The following CDH4 variants were observed in gnomAD, a reference collection of about 807,000 sequenced individuals.
The protein encoded by CDH4 is cadherin 4, also known as cadherin-4.
A neutral mutation model predicts 86.0 loss-of-function variants in CDH4; 33 were observed. The observed-to-expected ratio is 0.38, with a 90% CI of 0.29 to 0.51. The LOEUF (loss-of-function observed/expected upper bound fraction) is 0.51, where lower values mean the gene tolerates loss of function less well. Ranked by LOEUF, CDH4 falls within the 20% of genes least tolerant of loss-of-function variation. CDH4 has a pLI of 0.86. For synonymous variants in CDH4, 555 were observed against 549.4 expected, an observed-to-expected ratio of 1.01 and a Z score of -0.14; for missense variants, 1,114 against 1,307.4, an observed-to-expected ratio of 0.85 and a Z score of 2.28.
At chr20:61,832,575 C>A (rs1053583800) in intron 4 of CDH4, among the ~76,000 whole-genome samples, 3 of 152,154 alleles carry the variant, frequency 2.0e-5, no homozygotes, top group Admixed American at 2.0e-4. Flanking sequence ...GAAGCAAGGA[C>A]CTTCTTCACA....
chr20:61,557,624 C>T (rs1369818644), intron 2 of CDH4, among the ~76,000 whole-genome samples: 3 of 152,292 alleles, frequency 2.0e-5, no homozygotes, highest in South Asian at 2.1e-4. Flanking sequence ...GTGAAAATGC[C>T]GCTCTTTTAC....
intron 2 of CDH4, among the ~76,000 whole-genome samples, chr20:61,671,611 A>AGATG (rs1433928230): frequency 6.6e-6 from 1 of 151,044 alleles, no homozygotes; most frequent in Non-Finnish European, 1.5e-5. Context: ...ATGGATGGGT[A>AGATG]GATGGATGGA....
At chr20:61,600,643 C>G (rs1424650591) in intron 2 of CDH4, among the ~76,000 whole-genome samples, 1 of 152,178 alleles carries the variant, frequency 6.6e-6, no homozygotes, top group African/African-American at 2.4e-5. Context: ...CCAGGCCCGC[C>G]CCCAGGGGTA....
In CDH4 at chr20:61,888,822, G is replaced by A. The variant is rs539124168; in HGVS notation, c.1051-6088G>A. Among the ~76,000 whole-genome samples, 239 of 152,306 alleles carry A rather than the reference G, an allele frequency of 1.6e-3. 3 individuals carry two copies. The highest frequency in any genetic ancestry group is 5.5e-3 in the African/African-American group (229 of 41,560). On this transcript the variant is annotated intron_variant, in intron 7 of 15. Coordinates refer to ENST00000614565, the MANE Select transcript of CDH4 (RefSeq NM_001794.5). ...ATCAGGGACCCTGACCGGTCCCCTC[G>A]CTCTGCCCTGGTCAGCTGTGTAGAA...
chr20:61,283,364 G>A (rs1159499371), intron 2 of CDH4, among the ~76,000 whole-genome samples: 3 of 130,490 alleles, frequency 2.3e-5, no homozygotes, highest in Non-Finnish European at 3.4e-5. Context: ...GTGCTGTGGC[G>A]TGTGTGATGT....
intron 2 of CDH4, among the ~76,000 whole-genome samples, chr20:61,596,648 G>T (rs1031572448): frequency 2.0e-5 from 3 of 152,196 alleles, no homozygotes; most frequent in African/African-American, 7.2e-5. Context: ...ACCAGCTCTG[G>T]TCTGGGTTTG....
chr20:61,547,860 G>C (rs149898861), intron 2 of CDH4, among the ~76,000 whole-genome samples: 1 of 152,258 alleles, frequency 6.6e-6, no homozygotes, highest in African/African-American at 2.4e-5. Flanking sequence ...GCGGCACCGC[G>C]TGGGGCTGGC....
chr20:61,847,099 G>A (rs936794515), intron 5 of CDH4, among the ~76,000 whole-genome samples: 2 of 152,198 alleles, frequency 1.3e-5, no homozygotes, highest in African/African-American at 2.4e-5. Flanking sequence ...GAAACCTGGA[G>A]CTCAGAGCTG....
At chr20:61,761,957 G>A (rs534083614) in intron 3 of CDH4, among the ~76,000 whole-genome samples, 158 of 152,324 alleles carry the variant, frequency 1.0e-3, no homozygotes, top group African/African-American at 3.6e-3. Context: ...AGGCAGCTCC[G>A]CACAGCAGGA....
chr20:61,303,974 T>C (rs2427061), intron 2 of CDH4, among the ~76,000 whole-genome samples: 138,832 of 152,126 alleles, frequency 0.91, 63,921 homozygotes, highest in East Asian at 1. Flanking sequence ...CCTGGGGCTG[T>C]TCTTCTGAAG....
rs1407132072 is a variant in CDH4 at position 61,258,337 on chromosome 20, A to AAAAAAAG, written c.169+3406_169+3407insGAAAAAA. ...AGAACGAGACTCCGTCTCAAAAAAA[A>AAAAAAAG]AAAAAAAAGAAAAAAAAAAAAGAAA... is the stretch of plus-strand genomic sequence containing the variant. On this transcript the variant is annotated intron_variant, in intron 2 of 15. Transcript: ENST00000614565. Among the ~76,000 whole-genome samples the AAAAAAAG allele has an allele frequency of 2.3e-4, 34 of 146,426 alleles. 1 individual carries two copies. The highest frequency in any genetic ancestry group is 6.3e-4 in the South Asian group (3 of 4,734).
At chr20:61,645,374 C>T (rs1175049097) in intron 2 of CDH4, among the ~76,000 whole-genome samples, 1 of 152,178 alleles carries the variant, frequency 6.6e-6, no homozygotes, top group Non-Finnish European at 1.5e-5. Flanking sequence ...CACCTATAAT[C>T]CCAGCCCTTT....
rs1053343646 is a variant in CDH4 at position 61,754,750 on chromosome 20, C to T, written c.396+10961C>T. Reference sequence around the variant, plus strand: ...GCACGCCCCGCACACACTATGCACACCACACACACAGTGCATGCCACACAC... The same window carrying T: ...GCACGCCCCGCACACACTATGCACATCACACACACAGTGCATGCCACACAC... On this transcript the variant is annotated intron_variant, in intron 3 of 15. Transcript: ENST00000614565. The surrounding 1 kb of genome is among the most constrained non-coding windows in gnomAD (Gnocchi z 4.7). Among the ~76,000 whole-genome samples the T allele has an allele frequency of 9.4e-5, 14 of 148,918 alleles. No individual in the cohort carries two copies. The South Asian group carries it at 3.0e-3, about 32-fold the overall frequency.
chr20:61,829,963 G>A lies in CDH4; in HGVS notation c.577-14705G>A, dbSNP rs1031623423. ...GTGGGAAGTGCAGGTGGGTGGTTTG[G>A]TGTGTTTGGCAAGCCGACCCAAACT... On this transcript the variant is annotated intron_variant, in intron 4 of 15. Transcript: ENST00000614565. The surrounding 1 kb of genome is among the most constrained non-coding windows in gnomAD (Gnocchi z 4.2). 6.6e-6 allele frequency among the ~76,000 whole-genome samples: 1 copy of A among 152,050 alleles called. No homozygotes were observed. Among genetic ancestry groups the A allele is most frequent in the African/African-American group, 2.4e-5 (1 of 41,390 alleles).
At chr20:61,825,046 A>C (rs148158187) in intron 4 of CDH4, among the ~76,000 whole-genome samples, 1 of 152,110 alleles carries the variant, frequency 6.6e-6, no homozygotes, top group Non-Finnish European at 1.5e-5. Context: ...CACTCTACAT[A>C]GTTTGTAAGT....
chr20:61,413,293 A>C (rs1360556350), intron 2 of CDH4, among the ~76,000 whole-genome samples: 1 of 146,462 alleles, frequency 6.8e-6, no homozygotes, highest in East Asian at 2.0e-4. Context: ...TTCTCTTTGT[A>C]CCTCCCACAG....
intron 7 of CDH4, among the ~76,000 whole-genome samples, chr20:61,884,326 G>A (rs6121830): frequency 4.6e-5 from 7 of 152,234 alleles, no homozygotes; most frequent in Admixed American, 6.5e-5. Flanking sequence ...AGTGAGACAC[G>A]CTTCCTTCCA....
chr20:61,680,091 G>T (rs1171510350), intron 2 of CDH4, among the ~76,000 whole-genome samples: 1 of 152,342 alleles, frequency 6.6e-6, no homozygotes, highest in African/African-American at 2.4e-5. Flanking sequence ...CTGCCCCAGG[G>T]CTGCACCCTG....
intron 2 of CDH4, among the ~76,000 whole-genome samples, chr20:61,628,362 T>C (rs1233175922): frequency 6.6e-6 from 1 of 152,086 alleles, no homozygotes; most frequent in African/African-American, 2.4e-5. Flanking sequence ...GTCACTGCTC[T>C]GTCAAAGCGA....
Sources: gnomAD v4.1 joint callset for allele counts (sites outside exome capture counted in the v4.1 genomes callset) on GRCh38, gnomAD v4.1.1 for gene constraint, Gnocchi (gnomAD v3.1) non-coding constraint, MANE v1.5 for transcripts, NCBI Gene and HGNC (gene_info 2026-07-23, HGNC 2026-07-21) for gene names.